PTPRD: variants seen among roughly 807,000 people sequenced by gnomAD.
PTPRD encodes the protein receptor-type tyrosine-protein phosphatase delta.
In PTPRD, 34 loss-of-function variants were observed where a neutral mutation model predicts 214.5. The observed-to-expected ratio is 0.16, with a 90% CI of 0.12 to 0.21. The LOEUF is 0.21. PTPRD is among the 10% of genes least tolerant of loss of function. The probability of loss-of-function intolerance (pLI) is 1.00; values close to 1 mark genes in which losing one functional copy is unlikely to be tolerated. For synonymous variants in PTPRD, 1,128 were observed against 845.7 expected, an observed-to-expected ratio of 1.33 and a Z score of -5.79; for missense variants, 2,545 against 2,398.7, an observed-to-expected ratio of 1.06 and a Z score of -1.27.
At chr9:10,329,784 C>A (rs1390158713) in intron 3 of PTPRD, among the ~76,000 whole-genome samples, 1 of 151,706 alleles carries the variant, frequency 6.6e-6, no homozygotes, top group African/African-American at 2.4e-5. Context: ...CTACATATGC[C>A]ATTTTGTATG....
At chr9:9,492,866 A>G (rs1315149738) in intron 8 of PTPRD, among the ~76,000 whole-genome samples, 2 of 150,312 alleles carry the variant, frequency 1.3e-5, no homozygotes, top group African/African-American at 4.9e-5. Flanking sequence ...ATTATTATTT[A>G]TATTTGTTAT....
At chr9:9,801,221 T>C (rs2099037703) in intron 5 of PTPRD, among the ~76,000 whole-genome samples, 1 of 152,020 alleles carries the variant, frequency 6.6e-6, no homozygotes, top group African/African-American at 2.4e-5. Context: ...TATACATTCA[T>C]AGAAAGGAAA....
chr9:9,622,143 A>C (rs1392455345), intron 7 of PTPRD, among the ~76,000 whole-genome samples: 1 of 152,234 alleles, frequency 6.6e-6, no homozygotes, highest in Non-Finnish European at 1.5e-5. Context: ...TCAGATAGGC[A>C]ATAAAAAGGC....
chr9:10,422,978 T>C (rs1439186126), intron 2 of PTPRD, among the ~76,000 whole-genome samples: 2 of 152,096 alleles, frequency 1.3e-5, no homozygotes, highest in African/African-American at 4.8e-5. Context: ...GGATTATAAA[T>C]CATGCCACTA....
At chr9:8,755,874 G>A (rs1207575433) in intron 11 of PTPRD, among the ~76,000 whole-genome samples, 1 of 152,168 alleles carries the variant, frequency 6.6e-6, no homozygotes, top group Non-Finnish European at 1.5e-5. Context: ...TCTAAAGACT[G>A]ATTTCAGTAA....
At chr9:9,177,986 C>G (rs937396324) in intron 10 of PTPRD, among the ~76,000 whole-genome samples, 2 of 152,116 alleles carry the variant, frequency 1.3e-5, no homozygotes, top group East Asian at 1.9e-4. Context: ...AAAGAGAGAT[C>G]AGATGATGAA....
intron 3 of PTPRD, among the ~76,000 whole-genome samples, chr9:10,034,657 T>C (rs901400946): frequency 6.6e-6 from 1 of 152,134 alleles, no homozygotes; most frequent in African/African-American, 2.4e-5. Flanking sequence ...CTCCCACTTA[T>C]AAGTGAGAAC....
chr9:9,330,177 C>G (rs1361593927), intron 9 of PTPRD, among the ~76,000 whole-genome samples: 1 of 152,116 alleles, frequency 6.6e-6, no homozygotes, highest in Non-Finnish European at 1.5e-5. Flanking sequence ...TCCTTATCTT[C>G]CTTGATTTCC....
intron 37 of PTPRD, among the ~76,000 whole-genome samples, chr9:8,378,649 T>C (rs1242040877): frequency 1.3e-5 from 2 of 152,054 alleles, no homozygotes; most frequent in African/African-American, 2.4e-5. Context: ...TAAAATAAAC[T>C]AATGAAATCC....
At chr9:10,054,435 T>C (rs1460953957) in intron 3 of PTPRD, among the ~76,000 whole-genome samples, 1 of 152,140 alleles carries the variant, frequency 6.6e-6, no homozygotes, top group Non-Finnish European at 1.5e-5. Flanking sequence ...AAGTTTCCCT[T>C]AGTTGACTAC....
At chr9:10,325,700 G>A (rs1192923648) in intron 3 of PTPRD, among the ~76,000 whole-genome samples, 1 of 151,792 alleles carries the variant, frequency 6.6e-6, no homozygotes, top group East Asian at 1.9e-4. Context: ...CAACCAAACT[G>A]CAGGCTGATT....
intron 5 of PTPRD, among the ~76,000 whole-genome samples, chr9:9,779,136 T>C (rs1171664872): frequency 8.8e-6 from 1 of 113,060 alleles, no homozygotes; most frequent in Non-Finnish European, 1.8e-5. Flanking sequence ...ATTCAATAAA[T>C]GATACTGCTA....
At chr9:9,572,273 T>C (rs908606595) in intron 8 of PTPRD, among the ~76,000 whole-genome samples, 3 of 151,380 alleles carry the variant, frequency 2.0e-5, no homozygotes, top group Non-Finnish European at 4.4e-5. Flanking sequence ...ACTTCTATCA[T>C]GACTGATTTT....
In PTPRD at chr9:10,334,401, A is replaced by C. The variant is rs550592132; in HGVS notation, c.-545+6562T>G. Reference sequence around the variant, plus strand: ...ACGAGGAATAGAAGGGAGCTTCCTCAACTTGGTAAAAAATATCTATCCCAC... The same window carrying C: ...ACGAGGAATAGAAGGGAGCTTCCTCCACTTGGTAAAAAATATCTATCCCAC... On this transcript the variant is annotated intron_variant, in intron 3 of 45. Transcript: ENST00000381196. Among the ~76,000 whole-genome samples, 101 of 151,764 alleles carry C rather than the reference A, an allele frequency of 6.7e-4. 1 individual carries two copies. Among genetic ancestry groups the C allele is most frequent in the African/African-American group, 2.4e-3 (99 of 41,448 alleles).
chr9:8,968,874 A>G (rs2099217715), intron 11 of PTPRD, among the ~76,000 whole-genome samples: 1 of 152,132 alleles, frequency 6.6e-6, no homozygotes, highest in Admixed American at 6.6e-5. Context: ...TAAAATAAGA[A>G]TTAAAGATTT....
At chr9:8,567,338 T>A (rs1831664598) in intron 14 of PTPRD, among the ~76,000 whole-genome samples, 1 of 152,184 alleles carries the variant, frequency 6.6e-6, no homozygotes, top group Admixed American at 6.5e-5. Flanking sequence ...AAGGCATAGC[T>A]CAGGAGTCAC....
intron 7 of PTPRD, among the ~76,000 whole-genome samples, chr9:9,646,344 G>GT (rs1231408076): frequency 1.3e-4 from 17 of 135,010 alleles, no homozygotes; most frequent in African/African-American, 5.0e-4. Context: ...TGTGTGTGTG[G>GT]GTGTGTGTGT....
chr9:8,418,429 C>T (rs3847295), intron 35 of PTPRD, among the ~76,000 whole-genome samples: 147,479 of 152,234 alleles, frequency 0.97, 71,479 homozygotes, highest in East Asian at 1. Context: ...GAATTCATTA[C>T]CATAACTTAT....
At chr9:9,838,879 C>A (rs1164573798) in intron 5 of PTPRD, among the ~76,000 whole-genome samples, 3 of 152,048 alleles carry the variant, frequency 2.0e-5, no homozygotes, top group African/African-American at 7.2e-5. Context: ...AGGTTTTCTT[C>A]TAGGATTTTT....
Sources: gnomAD v4.1 joint callset for allele counts (sites outside exome capture counted in the v4.1 genomes callset) on GRCh38, gnomAD v4.1.1 for gene constraint, MANE v1.5 for transcripts, NCBI Gene and HGNC (gene_info 2026-07-23, HGNC 2026-07-21) for gene names.